The following RUNX1 variants were observed in gnomAD, a reference collection of about 807,000 sequenced individuals.
The protein encoded by RUNX1 is runt-related transcription factor 1.
In RUNX1, 19 loss-of-function variants were observed where a neutral mutation model predicts 42.8. The ratio of observed to expected loss-of-function variants is 0.44; its 90% CI spans 0.31 to 0.65. The LOEUF is 0.65. RUNX1 is among the 30% of genes least tolerant of loss of function. RUNX1 has a pLI of 0.07. For synonymous variants in RUNX1, 271 were observed against 289.4 expected, an observed-to-expected ratio of 0.94 and a Z score of 0.64; for missense variants, 528 against 672.0, an observed-to-expected ratio of 0.79 and a Z score of 2.37.
At chr21:35,014,515 G>C (rs1270685315) in intron 2 of RUNX1, among the ~76,000 whole-genome samples, 1 of 152,114 alleles carries the variant, frequency 6.6e-6, no homozygotes, top group Non-Finnish European at 1.5e-5. Context: ...ATAAACATCC[G>C]GGCTCAGCTT....
intron 2 of RUNX1, among the ~76,000 whole-genome samples, chr21:34,953,244 G>A (rs73900727): frequency 0.051 from 7,763 of 152,010 alleles, 642 homozygotes; most frequent in African/African-American, 0.17. Flanking sequence ...GATACCCAAT[G>A]TCCATTTCCT....
chr21:34,889,490 A>C (rs1053216736), intron 3 of RUNX1, among the ~76,000 whole-genome samples: 3 of 152,068 alleles, frequency 2.0e-5, no homozygotes, highest in Non-Finnish European at 2.9e-5. Context: ...GAAAGACCCC[A>C]AGAACGCGCG....
At position 34,907,991 on chromosome 21, in the gene RUNX1, T is replaced by C. The variant is rs1464380422; in HGVS notation, c.59-15028A>G. Among the ~76,000 whole-genome samples, 2 of 152,190 alleles carry C rather than the reference T, an allele frequency of 1.3e-5. No individual in the cohort carries two copies. Among genetic ancestry groups the C allele is most frequent in the Admixed American group, 1.3e-4 (2 of 15,286 alleles). On this transcript the variant is annotated intron_variant, in intron 2 of 8. Coordinates refer to ENST00000675419, the MANE Select transcript of RUNX1 (RefSeq NM_001754.5). This position sits in a 1 kb window ranked among gnomAD's most constrained non-coding sequence, Gnocchi z 5.3. Reference sequence around the variant, plus strand: ...AAACAGTGGCTGATCTGGGACCCCCTGACCTGTGAATTTGTGGTCCACCCC... The same window carrying C: ...AAACAGTGGCTGATCTGGGACCCCCCGACCTGTGAATTTGTGGTCCACCCC...
At chr21:34,982,498 C>T (rs1393768837) in intron 2 of RUNX1, among the ~76,000 whole-genome samples, 1 of 117,680 alleles carries the variant, frequency 8.5e-6, no homozygotes, top group Non-Finnish European at 1.7e-5. Context: ...CTTAGCATAC[C>T]TAGTTGTCAA....
intron 2 of RUNX1, among the ~76,000 whole-genome samples, chr21:34,977,122 C>T (rs907661728): frequency 6.6e-6 from 1 of 152,010 alleles, no homozygotes; most frequent in African/African-American, 2.4e-5. Flanking sequence ...TTGTTGCTGC[C>T]GTTTTACTGA....
At chr21:34,984,867 T>G (rs905148728) in intron 2 of RUNX1, among the ~76,000 whole-genome samples, 73 of 152,178 alleles carry the variant, frequency 4.8e-4, no homozygotes, top group Non-Finnish European at 7.8e-4. Flanking sequence ...TCAGGTACTT[T>G]CCATAGAACT....
intron 8 of RUNX1, among the ~76,000 whole-genome samples, chr21:34,794,816 G>A (rs1041389552): frequency 2.0e-5 from 3 of 152,194 alleles, no homozygotes; most frequent in African/African-American, 4.8e-5. Flanking sequence ...CTCGTTCATC[G>A]TAGGATGTGT....
chr21:34,888,242 A>C, intron 3 of RUNX1: 1 of 1,067,042 alleles, frequency 9.4e-7, no homozygotes, highest in Non-Finnish European at 1.1e-6. Context: ...AGCGCCGCGT[A>C]ACCGCAGCAG....
chr21:34,955,831 C>G (rs975901953), intron 2 of RUNX1, among the ~76,000 whole-genome samples: 2 of 152,174 alleles, frequency 1.3e-5, no homozygotes, highest in African/African-American at 2.4e-5. Flanking sequence ...ATGCCTTTCT[C>G]TAATCAAGTA....
intron 5 of RUNX1, among the ~76,000 whole-genome samples, chr21:34,865,324 G>GTA (rs1306017848): frequency 7.2e-6 from 1 of 139,630 alleles, no homozygotes; most frequent in Non-Finnish European, 1.6e-5. Context: ...GTGTGTGTGT[G>GTA]TTCAGCAGGT....
At chr21:34,993,820 TACAC>T (rs1159466140) in intron 2 of RUNX1, among the ~76,000 whole-genome samples, 2 of 109,570 alleles carry the variant, frequency 1.8e-5, no homozygotes, top group Non-Finnish European at 3.9e-5. Context: ...CACACACACA[TACAC>T]AGACACACAC....
intron 7 of RUNX1, among the ~76,000 whole-genome samples, chr21:34,814,698 G>A (rs951373837): frequency 8.5e-5 from 13 of 152,172 alleles, no homozygotes; most frequent in African/African-American, 9.7e-5. Flanking sequence ...GGCTGTTTAC[G>A]AAAGACTAAA....
intron 7 of RUNX1, among the ~76,000 whole-genome samples, chr21:34,805,135 A>G (rs2056661669): frequency 6.6e-6 from 1 of 152,214 alleles, no homozygotes; most frequent in Admixed American, 6.5e-5. Context: ...TAGTAGACAG[A>G]ACATGACAAA....
At chr21:34,890,249 C>G (rs972129386) in intron 3 of RUNX1, among the ~76,000 whole-genome samples, 2 of 151,932 alleles carry the variant, frequency 1.3e-5, no homozygotes, top group South Asian at 4.1e-4. Context: ...CGCGCAGTCC[C>G]CGGAGCTCCC....
intron 2 of RUNX1, among the ~76,000 whole-genome samples, chr21:35,037,474 C>T (rs770511440): frequency 3.3e-5 from 5 of 152,130 alleles, no homozygotes; most frequent in Non-Finnish European, 5.9e-5. Context: ...CACCCCACAG[C>T]GTCGCCTCCT....
intron 2 of RUNX1, among the ~76,000 whole-genome samples, chr21:35,001,967 C>T (rs1425006093): frequency 3.9e-5 from 6 of 152,028 alleles, no homozygotes; most frequent in Non-Finnish European, 1.5e-5. Context: ...CTGAAAACCA[C>T]AAAATATTAC....
chr21:34,788,722 C>T lies in RUNX1; in HGVS notation c.*3413G>A. 1 of 233,468 alleles carries T rather than the reference C, an allele frequency of 4.3e-6. No individual in the cohort carries two copies. The highest frequency in any genetic ancestry group is 8.5e-6 in the Non-Finnish European group (1 of 117,990). 14.5% of individuals were successfully genotyped at this position (233,468 alleles called of 1,614,324 possible). ...CTGACCTGGCTAAAAACAAAATTCC[C>T]AACAAACACACAAAAATCCCAAAAC... is the stretch of plus-strand genomic sequence containing the variant. On this transcript the variant is annotated 3_prime_UTR_variant, in exon 9 of 9. Coordinates refer to ENST00000675419, the MANE Select transcript of RUNX1 (RefSeq NM_001754.5).
chr21:34,932,630 T>C (rs186469251), intron 2 of RUNX1, among the ~76,000 whole-genome samples: 222 of 152,318 alleles, frequency 1.5e-3, no homozygotes, highest in African/African-American at 4.9e-3. Flanking sequence ...CTCCCTAATA[T>C]TGGGGACAAT....
intron 2 of RUNX1, among the ~76,000 whole-genome samples, chr21:34,936,157 A>G (rs1312849562): frequency 6.7e-6 from 1 of 148,772 alleles, no homozygotes; most frequent in Non-Finnish European, 1.5e-5. Context: ...TTTATGACTC[A>G]AGTGCTGTTT....
Sources: allele counts gnomAD v4.1 joint callset (sites outside exome capture counted in the v4.1 genomes callset), GRCh38; gene constraint gnomAD v4.1.1; non-coding constraint Gnocchi (gnomAD v3.1); transcripts MANE v1.5; gene names NCBI Gene and HGNC (gene_info 2026-07-23, HGNC 2026-07-21).